SGPP2: variants seen among roughly 807,000 people sequenced by gnomAD.
SGPP2 encodes sphingosine 1-phosphate phosphohydrolase 2.
SGPP2 carries 30 observed loss-of-function variants against 33.9 expected under a neutral mutation model. The ratio of observed to expected loss-of-function variants is 0.89; its 90% CI spans 0.66 to 1.20. The LOEUF (loss-of-function observed/expected upper bound fraction) is 1.20, where lower values mean the gene tolerates loss of function less well. SGPP2 is among the 50% of genes most tolerant of loss of function. The pLI is 0.00. For synonymous variants in SGPP2, 233 were observed against 225.0 expected (o/e 1.04, Z -0.32); for missense variants, 458 against 532.1 (o/e 0.86, Z 1.37).
chr2:222,560,637 T>C lies in SGPP2; in HGVS notation c.*1739T>C, dbSNP rs900871594. 6.6e-6 allele frequency: 1 copy of C among 152,200 alleles called. No individual in the cohort carries two copies. Among genetic ancestry groups the C allele is most frequent in the African/African-American group, 2.4e-5 (1 of 41,444 alleles). The allele number at this position is 152,200 out of a possible 1,614,324, so 9.4% of individuals were successfully genotyped here. On this transcript the variant is annotated 3_prime_UTR_variant, in exon 5 of 5. Coordinates refer to ENST00000321276, the MANE Select transcript of SGPP2 (RefSeq NM_152386.4). ...CCTGTAGGACTGAGCCAGTGCTTTA[T>C]CAACCCAACACATCATCACCATGTG...
At chr2:222,461,478 C>T (rs2106084669) in intron 1 of SGPP2, among the ~76,000 whole-genome samples, 1 of 152,084 alleles carries the variant, frequency 6.6e-6, no homozygotes, top group Middle Eastern at 3.4e-3. Flanking sequence ...AGCACGTTGC[C>T]TTTATTGTGC....
At position 222,559,156 on chromosome 2, in the gene SGPP2, ACCGCGCCCCC is replaced by A. The variant is rs1559180273; in HGVS notation, c.*261_*270del. ...ATAATCCGGATCTTTAAAGGCACAC[ACCGCGCCCCC>A]CCCCCCCCCGCCCGGCCCCTGCTCC... On this transcript the variant is annotated 3_prime_UTR_variant, in exon 5 of 5. Transcript: ENST00000321276. 7.1e-5 allele frequency: 4 copies of A among 56,698 alleles called. No homozygotes were observed. The highest frequency in any genetic ancestry group is 2.6e-4 in the African/African-American group (2 of 7,614). The allele number at this position is 56,698 out of a possible 1,614,324, so 3.5% of individuals were successfully genotyped here. A position where few individuals can be genotyped will look rare whatever the true frequency, so the allele number is the denominator to read the frequency against.
rs369671183 is a variant in SGPP2, at chr2:222,446,849, A to T, written c.219+22028A>T. ...GCCTGAAGGATTTGGGGCATGATGG[A>T]AATGTTACTGAAATAAATGAGAAAA... On this transcript the variant is annotated intron_variant, in intron 1 of 4. Coordinates refer to ENST00000321276, the MANE Select transcript of SGPP2 (RefSeq NM_152386.4). 1.7e-3 allele frequency among the ~76,000 whole-genome samples: 260 copies of T among 152,334 alleles called. 2 individuals carry two copies. The highest frequency in any genetic ancestry group is 0.017 in the Middle Eastern group (5 of 294).
At chr2:222,554,616 C>T (rs532061384) in intron 4 of SGPP2, among the ~76,000 whole-genome samples, 8 of 152,172 alleles carry the variant, frequency 5.3e-5, no homozygotes, top group Non-Finnish European at 1.0e-4. Context: ...AAAAAGAGTC[C>T]CAGTTCACCC....
chr2:222,521,736 T>G (rs746254519), intron 2 of SGPP2, 31 bp from the exon 3 acceptor site: 1 of 1,570,926 alleles, frequency 6.4e-7, no homozygotes, highest in South Asian at 1.2e-5. Flanking sequence ...CCTTATTTGA[T>G]TAGACTTACC....
At chr2:222,540,731 T>A (rs982861971) in intron 4 of SGPP2, among the ~76,000 whole-genome samples, 4 of 152,190 alleles carry the variant, frequency 2.6e-5, no homozygotes, top group Non-Finnish European at 5.9e-5. Flanking sequence ...TTAGTCTGAA[T>A]ATTGGATTTA....
chr2:222,535,094 C>A (rs141836563), intron 4 of SGPP2, among the ~76,000 whole-genome samples: 2 of 151,978 alleles, frequency 1.3e-5, no homozygotes, highest in East Asian at 3.9e-4. Flanking sequence ...GTGGCTCAAG[C>A]CTTTGGGCAC....
rs375868192 is a variant in SGPP2 at position 222,436,631 on chromosome 2, A to C, written c.219+11810A>C. 8.2e-4 allele frequency among the ~76,000 whole-genome samples: 125 copies of C among 152,214 alleles called. 1 individual carries two copies. The highest frequency in any genetic ancestry group is 2.8e-3 in the African/African-American group (116 of 41,456). ...TAGCCGTAAAGTGAATGCGTTGGTC[A>C]GAGGCAATGCTGTGTGGGATACTAT... On this transcript the variant is annotated intron_variant, in intron 1 of 4. Transcript: ENST00000321276.
intron 1 of SGPP2, among the ~76,000 whole-genome samples, chr2:222,446,934 T>G (rs1362379184): frequency 1.3e-5 from 2 of 152,154 alleles, no homozygotes; most frequent in African/African-American, 4.8e-5. Flanking sequence ...GTAAAGAAAT[T>G]TTTGCTGCTA....
At chr2:222,515,721 AC>A (rs1698595090) in intron 2 of SGPP2, among the ~76,000 whole-genome samples, 1 of 152,188 alleles carries the variant, frequency 6.6e-6, no homozygotes, top group Non-Finnish European at 1.5e-5. Flanking sequence ...TAGTGTAGTC[AC>A]AGAGTTCACA....
intron 1 of SGPP2, chr2:222,453,263 G>A (rs1468724712): frequency 1.3e-6 from 1 of 757,666 alleles, no homozygotes; most frequent in East Asian, 2.5e-5. Flanking sequence ...TTTGAAGCCA[G>A]GCAGGTTTGG....
At chr2:222,532,657 G>A (rs565054529) in intron 4 of SGPP2, among the ~76,000 whole-genome samples, 6 of 152,278 alleles carry the variant, frequency 3.9e-5, no homozygotes, top group South Asian at 2.1e-4. Context: ...AGCTGAATCC[G>A]TTCTGGCTCT....
At chr2:222,515,517 C>T (rs886458543) in intron 2 of SGPP2, among the ~76,000 whole-genome samples, 2 of 151,772 alleles carry the variant, frequency 1.3e-5, no homozygotes, top group Admixed American at 6.6e-5. Flanking sequence ...TTAGTAGAGA[C>T]GGGGTTTCAC....
At position 222,560,196 on chromosome 2, in the gene SGPP2, T is replaced by C. The variant is rs1450960558; in HGVS notation, c.*1298T>C. On this transcript the variant is annotated 3_prime_UTR_variant, in exon 5 of 5. Coordinates refer to ENST00000321276, the MANE Select transcript of SGPP2 (RefSeq NM_152386.4). ...GGAAAGTGGATCTGTGAAGAACAGATGAACTCAATCCTTTCTGGAGTCTGA... is the reference window on the plus strand; with the variant it reads ...GGAAAGTGGATCTGTGAAGAACAGACGAACTCAATCCTTTCTGGAGTCTGA... 1 of 152,234 alleles carries C rather than the reference T, an allele frequency of 6.6e-6. No homozygotes were observed. The highest frequency in any genetic ancestry group is 2.4e-5 in the African/African-American group (1 of 41,464). The allele number at this position is 152,234 out of a possible 1,614,324, so 9.4% of individuals were successfully genotyped here. A position where few individuals can be genotyped will look rare whatever the true frequency, so the allele number is the denominator to read the frequency against.
At position 222,541,769 on chromosome 2, in the gene SGPP2, A is replaced by G. The variant is rs1699002317; in HGVS notation, c.649-16578A>G. ...GCTAGGATTACAGGCATGTACCACC[A>G]TGCCCAGCTAATTTTTGTATTTTTA... On this transcript the variant is annotated intron_variant, in intron 4 of 4. Transcript: ENST00000321276. Among the ~76,000 whole-genome samples, 3 of 151,960 alleles carry G rather than the reference A, an allele frequency of 2.0e-5. No homozygotes were observed. In the South Asian group the frequency reaches 6.2e-4, roughly 32 times the overall value.
At chr2:222,470,091 A>G (rs1475644719) in intron 1 of SGPP2, among the ~76,000 whole-genome samples, 1 of 152,160 alleles carries the variant, frequency 6.6e-6, no homozygotes, top group Non-Finnish European at 1.5e-5. Context: ...AGGGAGGGGA[A>G]CATCACACAC....
At chr2:222,534,006 C>T (rs1420707601) in intron 4 of SGPP2, among the ~76,000 whole-genome samples, 1 of 152,102 alleles carries the variant, frequency 6.6e-6, no homozygotes, top group Non-Finnish European at 1.5e-5. Context: ...GATTGGCATA[C>T]AGGAGGCTCA....
At chr2:222,491,500 T>C (rs1698196643) in intron 2 of SGPP2, among the ~76,000 whole-genome samples, 1 of 151,582 alleles carries the variant, frequency 6.6e-6, no homozygotes, top group African/African-American at 2.4e-5. Flanking sequence ...TGAGCAAGAG[T>C]AGAGGAAACT....
At chr2:222,451,180 C>T (rs1697482000) in intron 1 of SGPP2, among the ~76,000 whole-genome samples, 1 of 141,760 alleles carries the variant, frequency 7.1e-6, no homozygotes, top group African/African-American at 2.6e-5. Flanking sequence ...TTTAACCAAA[C>T]AAAACTCCCC....
Sources: gnomAD v4.1 joint callset for allele counts (sites outside exome capture counted in the v4.1 genomes callset) on GRCh38, gnomAD v4.1.1 for gene constraint, MANE v1.5 for transcripts, NCBI Gene and HGNC (gene_info 2026-07-23, HGNC 2026-07-21) for gene names.